The following CTDSPL2 variants were observed in gnomAD, a reference collection of about 807,000 sequenced individuals.
CTDSPL2 encodes CTD small phosphatase like 2.
A neutral mutation model predicts 60.0 loss-of-function variants in CTDSPL2; 5 were observed. That is an observed-to-expected ratio of 0.08 (90% CI 0.04 to 0.18). The LOEUF (loss-of-function observed/expected upper bound fraction) is 0.18, where lower values mean the gene tolerates loss of function less well. Ranked by LOEUF, CTDSPL2 falls within the 10% of genes least tolerant of loss-of-function variation. The pLI, the probability that CTDSPL2 is intolerant of heterozygous loss-of-function variation, is 1.00. For missense variants in CTDSPL2, 370 were observed against 548.8 expected, an observed-to-expected ratio of 0.67 and a Z score of 3.26; for synonymous variants, 186 against 189.3, an observed-to-expected ratio of 0.98 and a Z score of 0.14.
chr15:44,521,213 C>G (rs935587559), intron 11 of CTDSPL2, 98 bp from the exon 12 acceptor site: 1 of 563,966 alleles, frequency 1.8e-6, no homozygotes, highest in African/African-American at 1.9e-5. Context: ...ACTTTTAGAT[C>G]AGTGTTTACT....
chr15:44,439,144 G>A (rs921653357), intron 1 of CTDSPL2, among the ~76,000 whole-genome samples: 9 of 138,598 alleles, frequency 6.5e-5, no homozygotes, highest in South Asian at 4.8e-4. Flanking sequence ...TATTATTATT[G>A]TTATTTATTT....
rs570238317 is a variant in CTDSPL2, at chr15:44,496,516, A to T, written c.770+58A>T. On this transcript the variant is annotated intron_variant, in intron 6 of 12. Transcript: ENST00000260327. ...TTTTGGAGCATGATGAGAGTACGTT[A>T]TATATGTGGATTGGTGGCTAAATAG... 7.7e-5 allele frequency: 98 copies of T among 1,265,864 alleles called. 1 individual carries two copies. The South Asian group carries it at 9.8e-4, about 13-fold the overall frequency. The allele number at this position is 1,265,864 out of a possible 1,614,324, so 78.4% of individuals were successfully genotyped here.
At chr15:44,427,806 C>T (rs2141239289) in intron 1 of CTDSPL2, 34 bp downstream of exon 1, 1 of 398,418 alleles carries the variant, frequency 2.5e-6, no homozygotes, top group East Asian at 3.6e-5. Flanking sequence ...GCCGCTGCTT[C>T]CAATCTCAGT....
rs554319789 is a variant in CTDSPL2 at position 44,462,700 on chromosome 15, C to CTTTTTTTTTTTTTTTTT, written c.186+3508_186+3524dup. On this transcript the variant is annotated intron_variant, in intron 2 of 12. Transcript: ENST00000260327. ...GACTCTTGAACTAGAACACTCAGGA[C>CTTTTTTTTTTTTTTTTT]TTTTTTTTTTTTTTTTTTTTTTTTG... is the stretch of plus-strand genomic sequence containing the variant. Among the ~76,000 whole-genome samples, 8 of 83,744 alleles carry CTTTTTTTTTTTTTTTTT rather than the reference C, an allele frequency of 9.6e-5. 1 individual carries two copies. Among genetic ancestry groups the CTTTTTTTTTTTTTTTTT allele is most frequent in the African/African-American group, 4.1e-4 (7 of 17,050 alleles). The allele number at this position is 83,744 out of a possible 152,430, so 54.9% of individuals were successfully genotyped here.
intron 4 of CTDSPL2, among the ~76,000 whole-genome samples, chr15:44,487,800 G>A (rs1329306841): frequency 2.0e-5 from 3 of 152,038 alleles, no homozygotes; most frequent in African/African-American, 7.2e-5. Flanking sequence ...TTTCCCCAAG[G>A]TGAAAGCAAT....
chr15:44,430,852 G>A (rs1399821244), intron 1 of CTDSPL2, among the ~76,000 whole-genome samples: 3 of 151,230 alleles, frequency 2.0e-5, no homozygotes, highest in East Asian at 3.9e-4. Context: ...ACGGAGTTTC[G>A]CTCTTATTGC....
At chr15:44,509,194 TA>T (rs144634544) in intron 8 of CTDSPL2, among the ~76,000 whole-genome samples, 597 of 152,174 alleles carry the variant, frequency 3.9e-3, no homozygotes, top group Non-Finnish European at 5.3e-3. Context: ...TTTTTATTTT[TA>T]TTTTTTTTAT....
intron 1 of CTDSPL2, among the ~76,000 whole-genome samples, chr15:44,442,208 T>C (rs1362186386): frequency 6.6e-6 from 1 of 152,116 alleles, no homozygotes; most frequent in Non-Finnish European, 1.5e-5. Context: ...CCCAGCACTT[T>C]GGGAGGCCGA....
intron 1 of CTDSPL2, 33 bp downstream of exon 1, chr15:44,427,805 T>C (rs181653074): frequency 4.9e-4 from 195 of 398,416 alleles, no homozygotes; most frequent in African/African-American, 3.9e-3. Flanking sequence ...CGCCGCTGCT[T>C]CCAATCTCAG....
intron 1 of CTDSPL2, among the ~76,000 whole-genome samples, chr15:44,439,121 ATATTATTAT>A (rs151096962): frequency 6.7e-6 from 1 of 148,960 alleles, no homozygotes; most frequent in East Asian, 2.0e-4. Flanking sequence ...CCCAAGCTTT[ATATTATTAT>A]TATTATTATT....
chr15:44,524,088 A>C, intron 12 of CTDSPL2, 21 bp from the exon 13 acceptor site: 2 of 1,609,162 alleles, frequency 1.2e-6, no homozygotes, highest in Non-Finnish European at 1.7e-6. Flanking sequence ...CCTTTTTAAA[A>C]ATTGTCTTTT....
chr15:44,449,248 G>A, intron 1 of CTDSPL2: 1 of 261,492 alleles, frequency 3.8e-6, no homozygotes, highest in Non-Finnish European at 8.0e-6. Context: ...TTCACTTTCA[G>A]TGGTCTTCCA....
intron 1 of CTDSPL2, among the ~76,000 whole-genome samples, chr15:44,433,382 G>C (rs1330396284): frequency 6.8e-6 from 1 of 147,822 alleles, no homozygotes; most frequent in African/African-American, 2.5e-5. Context: ...TGTACTAGTA[G>C]AACATACTTG....
chr15:44,461,438 G>T (rs2140705888), intron 2 of CTDSPL2, among the ~76,000 whole-genome samples: 1 of 152,142 alleles, frequency 6.6e-6, no homozygotes, highest in African/African-American at 2.4e-5. Flanking sequence ...GCCCAGGCTG[G>T]AGTGCAGTGA....
At chr15:44,520,560 A>G (rs2081748237) in intron 11 of CTDSPL2, 2 of 152,368 alleles carry the variant, frequency 1.3e-5, no homozygotes, top group South Asian at 2.1e-4. Context: ...CAAAATGTCT[A>G]TAATAAAAAG....
rs529653654 is a variant in CTDSPL2 at position 44,474,713 on chromosome 15, G to C, written c.187-9511G>C. On this transcript the variant is annotated intron_variant, in intron 2 of 12. Transcript: ENST00000260327. ...TCTACTAAAAATATAAAAATTAACC[G>C]GGCATGGTGACACATGCCTGTCATC... 1.3e-4 allele frequency among the ~76,000 whole-genome samples: 20 copies of C among 151,906 alleles called. No individual in the cohort carries two copies. The East Asian group carries it at 2.5e-3, about 19-fold the overall frequency.
At chr15:44,448,237 C>T in intron 1 of CTDSPL2, 1 of 299,156 alleles carries the variant, frequency 3.3e-6, no homozygotes, top group Non-Finnish European at 6.8e-6. Context: ...GTGCTCCAGG[C>T]CGGAGCCACT....
intron 8 of CTDSPL2, among the ~76,000 whole-genome samples, chr15:44,511,182 A>G (rs577907228): frequency 1.3e-5 from 2 of 152,202 alleles, no homozygotes; most frequent in South Asian, 2.1e-4. Flanking sequence ...TTCAACAGTT[A>G]CTCTTTCCAT....
At chr15:44,434,293 A>C (rs2079928106) in intron 1 of CTDSPL2, among the ~76,000 whole-genome samples, 1 of 152,146 alleles carries the variant, frequency 6.6e-6, no homozygotes, top group South Asian at 2.1e-4. Flanking sequence ...CCAGCTACTC[A>C]GGAGGCTGAA....
Sources: gnomAD v4.1 joint callset for allele counts (sites outside exome capture counted in the v4.1 genomes callset) on GRCh38, gnomAD v4.1.1 for gene constraint, MANE v1.5 for transcripts, NCBI Gene and HGNC (gene_info 2026-07-23, HGNC 2026-07-21) for gene names.